Variants in SMIM36 observed in about 807,000 individuals in gnomAD.
SMIM36 encodes the protein small integral membrane protein 36.
the SMIM36 span, among the ~76,000 whole-genome samples, chr17:55,522,116 C>A: frequency 6.6e-6 from 1 of 152,230 alleles, no homozygotes; most frequent in Non-Finnish European, 1.5e-5. Context: ...CCTCTGTCCT[C>A]TCATTTTCAA....
chr17:55,499,325 C>T (rs1909868670), intron 1 of SMIM36, among the ~76,000 whole-genome samples: 1 of 152,104 alleles, frequency 6.6e-6, no homozygotes, highest in Non-Finnish European at 1.5e-5. Flanking sequence ...AGGTTTATTC[C>T]TGCTCTTTAA....
chr17:55,490,682 C>G (rs1000867076), intron 1 of SMIM36, among the ~76,000 whole-genome samples: 2 of 151,968 alleles, frequency 1.3e-5, no homozygotes, highest in Admixed American at 6.6e-5. Flanking sequence ...AACTGAGATT[C>G]GAAATGCTGT....
At chr17:55,509,410 T>C (rs1330157731) in intron 1 of SMIM36, among the ~76,000 whole-genome samples, 2 of 152,238 alleles carry the variant, frequency 1.3e-5, no homozygotes, top group African/African-American at 4.8e-5. Flanking sequence ...TAACTACTTA[T>C]CTTTTAAGAC....
intron 1 of SMIM36, among the ~76,000 whole-genome samples, chr17:55,481,501 G>A (rs114172302): frequency 0.017 from 2,607 of 152,130 alleles, 82 homozygotes; most frequent in African/African-American, 0.057. Flanking sequence ...GATATTGCAC[G>A]GTACAATCCC....
intron 4 of SMIM36, among the ~76,000 whole-genome samples, chr17:55,463,767 C>T (rs1909186193): frequency 6.6e-6 from 1 of 151,508 alleles, no homozygotes. Context: ...TTTTTTTTCT[C>T]CCCAAAGTAG....
chr17:55,507,703 A>G (rs1395411798), intron 1 of SMIM36, among the ~76,000 whole-genome samples: 1 of 149,090 alleles, frequency 6.7e-6, no homozygotes, highest in Non-Finnish European at 1.5e-5. Context: ...CAATGTGCAC[A>G]TGTACCCTAA....
chr17:55,505,695 T>G (rs1910069295), intron 1 of SMIM36, among the ~76,000 whole-genome samples: 1 of 81,972 alleles, frequency 1.2e-5, no homozygotes, highest in Non-Finnish European at 2.1e-5. Flanking sequence ...TCACCGCTCC[T>G]ATTCAACATA....
intron 1 of SMIM36, among the ~76,000 whole-genome samples, chr17:55,493,805 T>A (rs1909757681): frequency 2.8e-5 from 2 of 71,998 alleles, no homozygotes; most frequent in South Asian, 6.6e-4. Flanking sequence ...GCTCTCTCTC[T>A]CTCAAAAAAA....
At chr17:55,502,540 A>C (rs1488621902) in intron 1 of SMIM36, among the ~76,000 whole-genome samples, 10 of 106,630 alleles carry the variant, frequency 9.4e-5, no homozygotes, top group African/African-American at 1.8e-4. Context: ...AAACTAACAA[A>C]CAGAAAGGAC....
the SMIM36 span, among the ~76,000 whole-genome samples, chr17:55,528,406 C>T: frequency 6.6e-6 from 1 of 151,996 alleles, no homozygotes; most frequent in Non-Finnish European, 1.5e-5. Flanking sequence ...GGCCTGAGTG[C>T]AGTGGTGCGA....
At chr17:55,517,823 T>C in the SMIM36 span, among the ~76,000 whole-genome samples, 1 of 152,208 alleles carries the variant, frequency 6.6e-6, no homozygotes, top group Non-Finnish European at 1.5e-5. Flanking sequence ...CTTATCAATA[T>C]ATAGGTAATA....
chr17:55,515,018 C>T (rs114722763), upstream of SMIM36, among the ~76,000 whole-genome samples: 29 of 148,572 alleles, frequency 2.0e-4, no homozygotes, highest in African/African-American at 6.4e-4. Flanking sequence ...GTGACTTTCT[C>T]GAGTCCAAAC....
the SMIM36 span, among the ~76,000 whole-genome samples, chr17:55,524,461 G>A: frequency 6.6e-6 from 1 of 152,096 alleles, no homozygotes; most frequent in South Asian, 2.1e-4. Context: ...TGGGTTGAAT[G>A]GTATTTGTTT....
chr17:55,524,227 T>C, the SMIM36 span, among the ~76,000 whole-genome samples: 1 of 152,184 alleles, frequency 6.6e-6, no homozygotes, highest in Admixed American at 6.5e-5. Context: ...TCCAGCCCCA[T>C]CCATGTTTCT....
chr17:55,531,548 A>G, the SMIM36 span, among the ~76,000 whole-genome samples: 1 of 152,246 alleles, frequency 6.6e-6, no homozygotes, highest in African/African-American at 2.4e-5. Context: ...TGTGGAATCA[A>G]TGAAGCTCTT....
chr17:55,460,596 G>A (rs1322293520), intron 4 of SMIM36, among the ~76,000 whole-genome samples: 1 of 152,104 alleles, frequency 6.6e-6, no homozygotes, highest in African/African-American at 2.4e-5. Context: ...AGTGGCTCAC[G>A]CCTGTAATCC....
At chr17:55,524,426 G>A in the SMIM36 span, among the ~76,000 whole-genome samples, 3 of 152,096 alleles carry the variant, frequency 2.0e-5, no homozygotes, top group Non-Finnish European at 4.4e-5. Flanking sequence ...TATTCCTTTG[G>A]TTATATACCC....
intron 1 of SMIM36, among the ~76,000 whole-genome samples, chr17:55,492,941 C>T (rs1002028979): frequency 1.3e-5 from 2 of 152,192 alleles, no homozygotes; most frequent in African/African-American, 4.8e-5. Flanking sequence ...TCACGGTTTA[C>T]GTTCTTTCTA....
chr17:55,455,358 A>T (rs1259227128), intron 4 of SMIM36, among the ~76,000 whole-genome samples: 1 of 90,896 alleles, frequency 1.1e-5, no homozygotes, highest in Admixed American at 1.2e-4. Context: ...CTCTCCCACC[A>T]CCCCCACGCT....
Sources: allele counts gnomAD v4.1 joint callset (sites outside exome capture counted in the v4.1 genomes callset), GRCh38; gene constraint gnomAD v4.1.1; transcripts MANE v1.5; gene names NCBI Gene and HGNC (gene_info 2026-07-23, HGNC 2026-07-21).